Variants in MEGF11 observed in about 807,000 individuals in gnomAD.
The protein encoded by MEGF11 is multiple epidermal growth factor-like domains protein 11.
In MEGF11, 126 loss-of-function variants were observed where a neutral mutation model predicts 146.6. The observed-to-expected ratio is 0.86, with a 90% CI of 0.74 to 1.00. The LOEUF is 1.00. Ranked by LOEUF, MEGF11 falls within the 50% of genes least tolerant of loss-of-function variation. MEGF11 has a pLI of 0.00. For missense variants in MEGF11, 1,509 were observed against 1,521.2 expected, an observed-to-expected ratio of 0.99 and a Z score of 0.13; for synonymous variants, 532 against 583.4, an observed-to-expected ratio of 0.91 and a Z score of 1.27.
At chr15:65,956,311 AGACT>A (rs2080636870) in intron 10 of MEGF11, among the ~76,000 whole-genome samples, 1 of 152,246 alleles carries the variant, frequency 6.6e-6, no homozygotes, top group South Asian at 2.1e-4. Context: ...GCCCCATCCC[AGACT>A]GACTGAATCA....
At chr15:66,242,994 C>G (rs1282350096) in intron 1 of MEGF11, among the ~76,000 whole-genome samples, 1 of 152,158 alleles carries the variant, frequency 6.6e-6, no homozygotes, top group East Asian at 1.9e-4. Flanking sequence ...ATGACTCTTT[C>G]CCCCAAAGTA....
chr15:65,924,359 AGGTGGGGTGTG>A (rs1269926831), intron 13 of MEGF11, among the ~76,000 whole-genome samples: 1,141 of 8,962 alleles, frequency 0.13, 21 homozygotes, highest in African/African-American at 0.29. Flanking sequence ...GCGGGTGGGT[AGGTGGGGTGTG>A]GGTGGGGGGG....
intron 1 of MEGF11, among the ~76,000 whole-genome samples, chr15:66,246,990 C>T (rs1218429012): frequency 6.6e-6 from 1 of 152,102 alleles, no homozygotes; most frequent in African/African-American, 2.4e-5. Flanking sequence ...CTATCAAAGC[C>T]ACTGTGATTG....
At chr15:65,983,821 G>T (rs1392949433) in intron 5 of MEGF11, among the ~76,000 whole-genome samples, 1 of 152,150 alleles carries the variant, frequency 6.6e-6, no homozygotes. Context: ...TGTCACTGGG[G>T]TAGACTCAAT....
chr15:66,236,673 C>G (rs985125355), intron 1 of MEGF11, among the ~76,000 whole-genome samples: 5 of 152,166 alleles, frequency 3.3e-5, no homozygotes, highest in South Asian at 4.1e-4. Flanking sequence ...CCCTAGTCCT[C>G]TGGCCCAGGA....
intron 1 of MEGF11, among the ~76,000 whole-genome samples, chr15:66,158,055 G>T (rs533989122): frequency 6.6e-6 from 1 of 152,134 alleles, no homozygotes; most frequent in Non-Finnish European, 1.5e-5. Context: ...CCCATTTGTC[G>T]GATGAAATGT....
At position 65,982,072 on chromosome 15, in the gene MEGF11, A is replaced by G. The variant is rs1026094455; in HGVS notation, c.641+170T>C. On this transcript the variant is annotated intron_variant, in intron 6 of 25. Transcript: ENST00000395614. The surrounding 1 kb of genome is among the most constrained non-coding windows in gnomAD (Gnocchi z 5.6). ...AGCCAAGACTATCCCTCCTGGTCCC[A>G]CCACCCAGCCCACCCACAAGGAGCC... Among the ~76,000 whole-genome samples the G allele has an allele frequency of 6.6e-6, 1 of 151,900 alleles. No homozygotes were observed. Among genetic ancestry groups the G allele is most frequent in the Non-Finnish European group, 1.5e-5 (1 of 67,972 alleles).
intron 4 of MEGF11, among the ~76,000 whole-genome samples, chr15:66,099,570 C>G (rs1440198352): frequency 6.6e-6 from 1 of 152,182 alleles, no homozygotes; most frequent in Non-Finnish European, 1.5e-5. Context: ...TGCTCTGCCA[C>G]TCATTAGCTG....
intron 1 of MEGF11, among the ~76,000 whole-genome samples, chr15:66,174,264 G>A (rs2090335354): frequency 6.6e-6 from 1 of 152,238 alleles, no homozygotes; most frequent in Non-Finnish European, 1.5e-5. Flanking sequence ...TAAGGCCAGA[G>A]ATCAGAAAGG....
At chr15:65,913,399 C>G (rs2078879081) in intron 20 of MEGF11, 1 of 397,102 alleles carries the variant, frequency 2.5e-6, no homozygotes, top group Non-Finnish European at 4.7e-6. Flanking sequence ...GTACAGGCAT[C>G]AGGTTGGGGA....
chr15:65,997,643 A>G (rs999091400), intron 5 of MEGF11, among the ~76,000 whole-genome samples: 1 of 152,310 alleles, frequency 6.6e-6, no homozygotes, highest in East Asian at 1.9e-4. Context: ...TTCTTACTAG[A>G]ATGTCAGCTC....
intron 5 of MEGF11, among the ~76,000 whole-genome samples, chr15:66,018,563 C>T (rs2082975751): frequency 6.6e-6 from 1 of 152,230 alleles, no homozygotes; most frequent in Non-Finnish European, 1.5e-5. Flanking sequence ...AGTCAGCCAG[C>T]AGCCCACGAC....
At chr15:66,071,334 G>A (rs776455637) in intron 5 of MEGF11, among the ~76,000 whole-genome samples, 4 of 152,170 alleles carry the variant, frequency 2.6e-5, no homozygotes, top group South Asian at 2.1e-4. Flanking sequence ...GTGGGGTGCC[G>A]TGCCAGCCTC....
intron 1 of MEGF11, among the ~76,000 whole-genome samples, chr15:66,150,358 G>GATC (rs1212124820): frequency 3.3e-5 from 5 of 152,192 alleles, no homozygotes; most frequent in Admixed American, 3.3e-4. Flanking sequence ...TGCTGTCTTT[G>GATC]ATCATACAAT....
At chr15:66,183,130 C>G (rs960650583) in intron 1 of MEGF11, among the ~76,000 whole-genome samples, 1 of 152,206 alleles carries the variant, frequency 6.6e-6, no homozygotes, top group African/African-American at 2.4e-5. Context: ...CAATGATACA[C>G]TACTTGCATA....
At chr15:66,148,203 CA>C (rs1006965693) in intron 1 of MEGF11, among the ~76,000 whole-genome samples, 1 of 151,654 alleles carries the variant, frequency 6.6e-6, no homozygotes, top group Non-Finnish European at 1.5e-5. Flanking sequence ...CCTGAGTGGG[CA>C]GGGGGTAATG....
At chr15:66,222,700 A>G (rs1485261331) in intron 1 of MEGF11, among the ~76,000 whole-genome samples, 2 of 152,222 alleles carry the variant, frequency 1.3e-5, no homozygotes, top group Non-Finnish European at 2.9e-5. Flanking sequence ...CACTTCTCCA[A>G]AGAAGGTATA....
chr15:65,980,697 T>TTTTA, intron 7 of MEGF11, 81 bp downstream of exon 7: 1 of 1,453,754 alleles, frequency 6.9e-7, no homozygotes, highest in Non-Finnish European at 9.1e-7. Flanking sequence ...CATGCCCGGC[T>TTTTA]AGTTTAGCCT....
chr15:66,192,250 T>C (rs2090902495), intron 1 of MEGF11, among the ~76,000 whole-genome samples: 1 of 151,652 alleles, frequency 6.6e-6, no homozygotes, highest in Non-Finnish European at 1.5e-5. Context: ...GGGAGATCAC[T>C]TGAGGCCAGG....
Sources: gnomAD v4.1 joint callset for allele counts (sites outside exome capture counted in the v4.1 genomes callset) on GRCh38, gnomAD v4.1.1 for gene constraint, Gnocchi (gnomAD v3.1) non-coding constraint, MANE v1.5 for transcripts, NCBI Gene and HGNC (gene_info 2026-07-23, HGNC 2026-07-21) for gene names.